Variants in FLRT2 observed in about 807,000 individuals in gnomAD.
FLRT2 encodes the protein fibronectin leucine rich transmembrane protein 2, also known as leucine-rich repeat transmembrane protein FLRT2.
Under a neutral mutation model 40.0 loss-of-function variants are expected in FLRT2, and 15 were observed. The ratio of observed to expected loss-of-function variants is 0.38; its 90% CI spans 0.25 to 0.58. The LOEUF is 0.58. Ranked by LOEUF, FLRT2 falls within the 20% of genes least tolerant of loss-of-function variation. The pLI, the probability that FLRT2 is intolerant of heterozygous loss-of-function variation, is 0.71. For synonymous variants in FLRT2, 380 were observed against 336.8 expected, an observed-to-expected ratio of 1.13 and a Z score of -1.41; for missense variants, 726 against 840.0, an observed-to-expected ratio of 0.86 and a Z score of 1.68.
At chr14:85,576,986 A>G (rs1399355172) in intron 1 of FLRT2, among the ~76,000 whole-genome samples, 1 of 152,224 alleles carries the variant, frequency 6.6e-6, no homozygotes, top group East Asian at 1.9e-4. Flanking sequence ...AAATACTGTT[A>G]TTCTTCTAAA....
In FLRT2 at chr14:85,578,175, T is replaced by A. The variant is rs985455589; in HGVS notation, c.-376-42964T>A. Among the ~76,000 whole-genome samples, 193 of 135,850 alleles carry A rather than the reference T, an allele frequency of 1.4e-3. 2 individuals carry two copies. Among genetic ancestry groups the A allele is most frequent in the Non-Finnish European group, 2.2e-3 (136 of 61,534 alleles). The allele number at this position is 135,850 out of a possible 152,430, so 89.1% of individuals were successfully genotyped here. A position where few individuals can be genotyped will look rare whatever the true frequency, so the allele number is the denominator to read the frequency against. On this transcript the variant is annotated intron_variant, in intron 1 of 1. Transcript: ENST00000330753. ...ATAAAAATATCTTTATATATAAAAA[T>A]ATCTTTATATATATTTATATATATT...
intron 1 of FLRT2, among the ~76,000 whole-genome samples, chr14:85,593,442 A>G (rs932135590): frequency 6.6e-6 from 1 of 151,030 alleles, no homozygotes; most frequent in African/African-American, 2.4e-5. Context: ...CATACCTTTC[A>G]CAGGGCTCTT....
chr14:85,586,860 T>C (rs148970605), intron 1 of FLRT2, among the ~76,000 whole-genome samples: 1,985 of 152,224 alleles, frequency 0.013, 17 homozygotes, highest in African/African-American at 0.022. Flanking sequence ...ATTTGTACAG[T>C]GGGGTCATGC....
rs1948397 is a variant in FLRT2 at position 85,647,786 on chromosome 14, G to A, written c.*24289G>A. ...AACCACATACAGGCAGAACCACTAA[G>A]AGTAAAAACCCCTCAGGAATTAGGA... On this transcript the variant is annotated 3_prime_UTR_variant, in exon 2 of 2. Transcript: ENST00000330753. The A allele has an allele frequency of 0.19, 29,101 of 151,988 alleles. 2,977 individuals are homozygous for A. The highest frequency in any genetic ancestry group is 0.25 in the African/African-American group (10,447 of 41,466). 9.4% of individuals were successfully genotyped at this position (151,988 alleles called of 1,614,324 possible).
chr14:85,549,263 C>G (rs1045406680), intron 1 of FLRT2, among the ~76,000 whole-genome samples: 3 of 151,776 alleles, frequency 2.0e-5, no homozygotes, highest in African/African-American at 7.3e-5. Context: ...GATGGCAAAA[C>G]TAAAAGAGTA....
At position 85,621,256 on chromosome 14, in the gene FLRT2, G is replaced by GC; in HGVS notation, c.-257dup. The GC allele has an allele frequency of 2.0e-6, 1 of 499,538 alleles. No individual in the cohort carries two copies. The highest frequency in any genetic ancestry group is 3.8e-5 in the Admixed American group (1 of 26,550). 30.9% of individuals were successfully genotyped at this position (499,538 alleles called of 1,614,324 possible). ...CTTGTGTTGACACGGCTGATAACTT[G>GC]CCATCACCTGTTGCCAGTGTGGAAA... On this transcript the variant is annotated 5_prime_UTR_variant, in exon 2 of 2. An upstream open reading frame in the 5' UTR loses its in-frame stop. Transcript: ENST00000330753.
At chr14:85,611,042 C>A (rs1001663147) in intron 1 of FLRT2, among the ~76,000 whole-genome samples, 1 of 152,078 alleles carries the variant, frequency 6.6e-6, no homozygotes, top group Non-Finnish European at 1.5e-5. Context: ...ATTACAGGCA[C>A]CTGGCACCAC....
In FLRT2 at chr14:85,559,866, G is replaced by A. The variant is rs116275176; in HGVS notation, c.-377+29332G>A. 6.1e-3 allele frequency among the ~76,000 whole-genome samples: 936 copies of A among 152,204 alleles called. 11 individuals are homozygous for A. Among genetic ancestry groups the A allele is most frequent in the African/African-American group, 0.021 (875 of 41,534 alleles). ...CGGATCTCCTGATGGCATTAGCAGC[G>A]TTTAGTCAGTGACTTTCCTGGGCCT... On this transcript the variant is annotated intron_variant, in intron 1 of 1. Transcript: ENST00000330753.
intron 1 of FLRT2, among the ~76,000 whole-genome samples, chr14:85,554,155 A>C: frequency 6.6e-6 from 1 of 152,212 alleles, no homozygotes; most frequent in Non-Finnish European, 1.5e-5. Flanking sequence ...CACTACCCGT[A>C]TTTAAGTTAA....
chr14:85,593,207 T>C (rs117860272), intron 1 of FLRT2, among the ~76,000 whole-genome samples: 1 of 152,364 alleles, frequency 6.6e-6, no homozygotes, highest in Non-Finnish European at 1.5e-5. Context: ...ATAATTTTCC[T>C]AGATTAACTT....
At chr14:85,574,485 G>A (rs185096814) in intron 1 of FLRT2, among the ~76,000 whole-genome samples, 30 of 152,214 alleles carry the variant, frequency 2.0e-4, no homozygotes, top group African/African-American at 6.5e-4. Context: ...TTGAGACAGA[G>A]GGTTTGTAGA....
intron 1 of FLRT2, among the ~76,000 whole-genome samples, chr14:85,608,823 C>T (rs1422843122): frequency 6.6e-6 from 1 of 152,148 alleles, no homozygotes; most frequent in Non-Finnish European, 1.5e-5. Flanking sequence ...AAACATTTGC[C>T]AGCGTCCTGA....
chr14:85,564,486 G>A (rs925930875), intron 1 of FLRT2, among the ~76,000 whole-genome samples: 1 of 152,210 alleles, frequency 6.6e-6, no homozygotes, highest in African/African-American at 2.4e-5. Flanking sequence ...AAAAGCCTAA[G>A]TCATTACATT....
intron 1 of FLRT2, among the ~76,000 whole-genome samples, chr14:85,535,848 T>C (rs1888611648): frequency 6.6e-6 from 1 of 150,614 alleles, no homozygotes; most frequent in South Asian, 2.1e-4. Context: ...GGGCTAGCTG[T>C]ACTGTAGCAG....
At chr14:85,547,790 C>T (rs1036638335) in intron 1 of FLRT2, among the ~76,000 whole-genome samples, 2 of 152,086 alleles carry the variant, frequency 1.3e-5, no homozygotes, top group Admixed American at 6.5e-5. Flanking sequence ...AGGGGCACAG[C>T]TTGGTTTGTG....
rs766194111 is a variant in FLRT2, at chr14:85,634,601, A to G, written c.*11104A>G. On this transcript the variant is annotated 3_prime_UTR_variant, in exon 2 of 2. Coordinates refer to ENST00000330753, the MANE Select transcript of FLRT2 (RefSeq NM_013231.6). ...ATGAATCTTTTAAATTCTGAGTCCA[A>G]TGCTGTCTACATCTAAATTTAAATC... 3.3e-5 allele frequency: 5 copies of G among 152,192 alleles called. No individual in the cohort carries two copies. The highest frequency in any genetic ancestry group is 1.3e-4 in the Admixed American group (2 of 15,280). 9.4% of individuals were successfully genotyped at this position (152,192 alleles called of 1,614,324 possible).
chr14:85,581,116 A>G (rs984013034), intron 1 of FLRT2, among the ~76,000 whole-genome samples: 1 of 152,188 alleles, frequency 6.6e-6, no homozygotes, highest in Admixed American at 6.5e-5. Flanking sequence ...CATGCCTTCT[A>G]ATTGTTGACC....
chr14:85,551,600 G>T (rs1889622008), intron 1 of FLRT2: 1 of 152,188 alleles, frequency 6.6e-6, no homozygotes, highest in South Asian at 2.1e-4. Context: ...ATGGATGGAT[G>T]AATGCATGCA....
chr14:85,643,319 CTTTCTTTCTTT>C lies in FLRT2; in HGVS notation c.*19823_*19833del, dbSNP rs1594978556. ...TCTTTCTTTCTTTCTTTCTTTCTTT[CTTTCTTTCTTT>C]CTTTCTTTCTTTCTTTCTTTCTTTC... On this transcript the variant is annotated 3_prime_UTR_variant, in exon 2 of 2. Transcript: ENST00000330753. The C allele has an allele frequency of 9.3e-6, 1 of 107,426 alleles. No homozygotes were observed. Among genetic ancestry groups the C allele is most frequent in the East Asian group, 3.0e-4 (1 of 3,336 alleles). 6.7% of individuals were successfully genotyped at this position (107,426 alleles called of 1,614,324 possible).
Sources: allele counts gnomAD v4.1 joint callset (sites outside exome capture counted in the v4.1 genomes callset), GRCh38; gene constraint gnomAD v4.1.1; transcripts MANE v1.5; gene names NCBI Gene and HGNC (gene_info 2026-07-23, HGNC 2026-07-21).